The following MAP2K5 variants were observed in gnomAD, a reference collection of about 807,000 sequenced individuals.
MAP2K5 encodes the protein dual specificity mitogen-activated protein kinase kinase 5.
A neutral mutation model predicts 83.1 loss-of-function variants in MAP2K5; 49 were observed. That is an observed-to-expected ratio of 0.59 (90% CI 0.47 to 0.75). The LOEUF (loss-of-function observed/expected upper bound fraction) is 0.75. MAP2K5 is among the 30% of genes least tolerant of loss of function. MAP2K5 has a pLI of 0.00. For missense variants in MAP2K5, 457 were observed against 557.5 expected, an observed-to-expected ratio of 0.82 and a Z score of 1.82; for synonymous variants, 202 against 191.8, an observed-to-expected ratio of 1.05 and a Z score of -0.44.
intron 16 of MAP2K5, among the ~76,000 whole-genome samples, chr15:67,714,274 G>A (rs1307587957): frequency 1.3e-5 from 2 of 151,960 alleles, no homozygotes; most frequent in Non-Finnish European, 2.9e-5. Flanking sequence ...GTTACTTGAA[G>A]AAGTAAGCCT....
chr15:67,674,567 C>T (rs769169707), intron 13 of MAP2K5, among the ~76,000 whole-genome samples: 4 of 152,146 alleles, frequency 2.6e-5, no homozygotes, highest in Non-Finnish European at 5.9e-5. Flanking sequence ...CACAAATGAA[C>T]ATCTCGAGAA....
chr15:67,773,398 C>T (rs889199591), intron 21 of MAP2K5, among the ~76,000 whole-genome samples: 3 of 152,146 alleles, frequency 2.0e-5, no homozygotes, highest in Non-Finnish European at 4.4e-5. Flanking sequence ...ACGTTAGGAT[C>T]GAGCATTAGT....
At position 67,775,456 on chromosome 15, in the gene MAP2K5, A is replaced by C. The variant is rs527719567; in HGVS notation, c.1242+2704A>C. 2.2e-4 allele frequency among the ~76,000 whole-genome samples: 34 copies of C among 152,360 alleles called. 1 individual carries two copies. In the South Asian group the frequency reaches 6.8e-3, roughly 31 times the overall value. On this transcript the variant is annotated intron_variant, in intron 21 of 21. Transcript: ENST00000178640. This position sits in a 1 kb window ranked among gnomAD's most constrained non-coding sequence, Gnocchi z 5.3. ...ATGAAGCTACATCAGAAGTGCTCTC[A>C]AAAGTTTTATCAGCATCTGCATCAT...
intron 3 of MAP2K5, among the ~76,000 whole-genome samples, chr15:67,575,652 T>C (rs1045320619): frequency 6.6e-6 from 1 of 152,312 alleles, no homozygotes; most frequent in South Asian, 2.1e-4. Flanking sequence ...ATGCCCTGAG[T>C]GCATGGCATG....
chr15:67,806,615 G>A, intron 21 of MAP2K5, 31 bp from the exon 22 acceptor site: 1 of 1,538,316 alleles, frequency 6.5e-7, no homozygotes, highest in Non-Finnish European at 8.8e-7. Flanking sequence ...TCCGAGGACT[G>A]CCTGTCACAG....
chr15:67,625,793 A>G (rs1036026118), intron 8 of MAP2K5, among the ~76,000 whole-genome samples: 10 of 152,226 alleles, frequency 6.6e-5, no homozygotes, highest in Admixed American at 2.6e-4. Context: ...CCAAACTTCC[A>G]CGGATGAATT....
chr15:67,774,829 C>T lies in MAP2K5; in HGVS notation c.1242+2077C>T, dbSNP rs1335633350. Among the ~76,000 whole-genome samples the T allele has an allele frequency of 2.0e-5, 3 of 152,192 alleles. No individual in the cohort carries two copies. Among genetic ancestry groups the T allele is most frequent in the African/African-American group, 7.2e-5 (3 of 41,448 alleles). On this transcript the variant is annotated intron_variant, in intron 21 of 21. Transcript: ENST00000178640. The surrounding 1 kb of genome is among the most constrained non-coding windows in gnomAD (Gnocchi z 4.9). ...ATGGTAACTCCAGCCAGCAGGGTAC[C>T]AGCATGGGCTGCATGGGCCGCTTCA...
At chr15:67,653,480 G>A (rs2086998684) in intron 11 of MAP2K5, among the ~76,000 whole-genome samples, 1 of 151,948 alleles carries the variant, frequency 6.6e-6, no homozygotes, top group Non-Finnish European at 1.5e-5. Flanking sequence ...ATTTTTAGTA[G>A]AGACAGGGTT....
In MAP2K5 at chr15:67,719,024, C is replaced by T. The variant is rs181859501; in HGVS notation, c.1045-8892C>T. On this transcript the variant is annotated intron_variant, in intron 16 of 21. Coordinates refer to ENST00000178640, the MANE Select transcript of MAP2K5 (RefSeq NM_145160.3). This position sits in a 1 kb window ranked among gnomAD's most constrained non-coding sequence, Gnocchi z 4.6. ...TATTCATTCTAACTTTATTTTTGTA[C>T]CCATTAATCATCCCCACTCTTCTCC... is the stretch of plus-strand genomic sequence containing the variant. Among the ~76,000 whole-genome samples, 13 of 152,196 alleles carry T rather than the reference C, an allele frequency of 8.5e-5. No homozygotes were observed. The highest frequency in any genetic ancestry group is 7.8e-4 in the Admixed American group (12 of 15,292).
At chr15:67,701,181 A>C (rs1272554545) in intron 15 of MAP2K5, among the ~76,000 whole-genome samples, 2 of 152,184 alleles carry the variant, frequency 1.3e-5, no homozygotes, top group African/African-American at 4.8e-5. Flanking sequence ...TTAGGGCAGC[A>C]TTTAGTTATT....
At position 67,806,720 on chromosome 15, in the gene MAP2K5, G is replaced by A. The variant is rs889358922; in HGVS notation, c.1317G>A (p.Glu439=). The A allele has an allele frequency of 1.3e-6, 2 of 1,552,468 alleles. No individual in the cohort carries two copies. The highest frequency in any genetic ancestry group is 1.7e-6 in the Non-Finnish European group (2 of 1,148,748). Reference sequence around the variant, plus strand: ...CCATGTGGGTGTGCCGGGCGCTGGAGGAGAGGCGGAGCCAGCAGGGGCCCC... The same window carrying A: ...CCATGTGGGTGTGCCGGGCGCTGGAAGAGAGGCGGAGCCAGCAGGGGCCCC... ...VVSMWVCRAL[E]ERRSQQGPP Residue 439 remains glutamate, a synonymous_variant, in exon 22 of 22, where the codon GAG becomes GAA. Transcript: ENST00000178640.
chr15:67,794,367 ACAAT>A lies in MAP2K5; in HGVS notation c.1243-12276_1243-12273del, dbSNP rs1280928595. Among the ~76,000 whole-genome samples, 6 of 152,204 alleles carry A rather than the reference ACAAT, an allele frequency of 3.9e-5. No individual in the cohort carries two copies. The highest frequency in any genetic ancestry group is 9.7e-5 in the African/African-American group (4 of 41,442). On this transcript the variant is annotated intron_variant, in intron 21 of 21. Coordinates refer to ENST00000178640, the MANE Select transcript of MAP2K5 (RefSeq NM_145160.3). The surrounding 1 kb of genome is among the most constrained non-coding windows in gnomAD (Gnocchi z 4.6). Reference sequence around the variant, plus strand: ...TTTTTATTTGCTGCTGGGATGCAAAACAATCAGAATTTTCGAAGAGTTTGCTTCC... The same window carrying A: ...TTTTTATTTGCTGCTGGGATGCAAAACAGAATTTTCGAAGAGTTTGCTTCC...
chr15:67,558,401 C>T (rs1319935100), intron 2 of MAP2K5, among the ~76,000 whole-genome samples: 1 of 152,228 alleles, frequency 6.6e-6, no homozygotes, highest in African/African-American at 2.4e-5. Flanking sequence ...ACCATCATCT[C>T]TCACCGGGAT....
In MAP2K5 at chr15:67,600,728, G is replaced by T. The variant is rs1268743825; in HGVS notation, c.524G>T (p.Gly175Val). ...CGATATCGGGACACTCTTGGTCATG[G>T]CAACGGAGGCACAGTCTACAAGTGA... ...DIRYRDTLGH[G>V]NGGTVYKAYH... is the part of the protein sequence containing the mutation. The change falls in exon 8 of 22, where the codon GGC (glycine) becomes GTC (valine). Residue 175 changes from glycine (G) to valine (V), a missense_variant. By Grantham distance (109) the Gly-to-Val change is moderately radical. Transcript: ENST00000178640. 1.9e-6 allele frequency: 3 copies of T among 1,607,988 alleles called. No individual in the cohort carries two copies. The highest frequency in any genetic ancestry group is 2.5e-6 in the Non-Finnish European group (3 of 1,178,246).
intron 11 of MAP2K5, among the ~76,000 whole-genome samples, chr15:67,656,417 C>T (rs1418987963): frequency 3.3e-5 from 5 of 151,876 alleles, no homozygotes; most frequent in African/African-American, 4.8e-5. Context: ...CTTCACCTCC[C>T]GGGTTCAAGC....
rs1451960307 is a variant in MAP2K5 at position 67,782,286 on chromosome 15, G to A, written c.1242+9534G>A. Reference sequence around the variant, plus strand: ...AAATGAGTGTTAAGTATTAGTAATCGGGAGATTAGGGCCCCAGGGACAATG... The same window carrying A: ...AAATGAGTGTTAAGTATTAGTAATCAGGAGATTAGGGCCCCAGGGACAATG... On this transcript the variant is annotated intron_variant, in intron 21 of 21. Transcript: ENST00000178640. The surrounding 1 kb of genome is among the most constrained non-coding windows in gnomAD (Gnocchi z 4.9). Among the ~76,000 whole-genome samples, 1 of 152,202 alleles carries A rather than the reference G, an allele frequency of 6.6e-6. No individual in the cohort carries two copies. Among genetic ancestry groups the A allele is most frequent in the African/African-American group, 2.4e-5 (1 of 41,452 alleles).
At chr15:67,603,400 T>A (rs1482373919) in intron 8 of MAP2K5, among the ~76,000 whole-genome samples, 3 of 152,226 alleles carry the variant, frequency 2.0e-5, no homozygotes, top group Non-Finnish European at 2.9e-5. Context: ...AAGAGCTCAT[T>A]TAGCTACCGT....
intron 17 of MAP2K5, among the ~76,000 whole-genome samples, chr15:67,735,576 A>G (rs1041516705): frequency 2.6e-5 from 4 of 152,168 alleles, no homozygotes; most frequent in Non-Finnish European, 2.9e-5. Context: ...ACATAAAACC[A>G]ATGGCAGTTG....
chr15:67,630,885 T>C lies in MAP2K5; in HGVS notation c.546-3T>C, dbSNP rs1319752069. On this transcript the variant is annotated splice_polypyrimidine_tract_variant and splice_region_variant and intron_variant, in intron 8 of 21. Transcript: ENST00000178640. ...ATGATTTTGTTTTTTTTTCTTCCCATAGAGCATATCATGTCCCGAGTGGGA... is the reference window on the plus strand; with the variant it reads ...ATGATTTTGTTTTTTTTTCTTCCCACAGAGCATATCATGTCCCGAGTGGGA... 14 of 1,606,950 alleles carry C rather than the reference T, an allele frequency of 8.7e-6. No homozygotes were observed. The highest frequency in any genetic ancestry group is 1.1e-5 in the Non-Finnish European group (13 of 1,174,904).
Sources: gnomAD v4.1 joint callset for allele counts (sites outside exome capture counted in the v4.1 genomes callset) on GRCh38, gnomAD v4.1.1 for gene constraint, Gnocchi (gnomAD v3.1) non-coding constraint, MANE v1.5 for transcripts, NCBI Gene and HGNC (gene_info 2026-07-23, HGNC 2026-07-21) for gene names.